PRKCE: variants seen among roughly 807,000 people sequenced by gnomAD.
PRKCE encodes the protein protein kinase C epsilon type.
In PRKCE, 16 loss-of-function variants were observed where a neutral mutation model predicts 85.4. The observed-to-expected ratio is 0.19, with a 90% CI of 0.13 to 0.28. The LOEUF (loss-of-function observed/expected upper bound fraction) is 0.28, where lower values mean the gene tolerates loss of function less well. PRKCE is among the 10% of genes least tolerant of loss of function. The probability of loss-of-function intolerance (pLI) is 1.00; values close to 1 mark genes in which losing one functional copy is unlikely to be tolerated. For synonymous variants in PRKCE, 388 were observed against 371.5 expected, an observed-to-expected ratio of 1.04 and a Z score of -0.51; for missense variants, 573 against 975.2, an observed-to-expected ratio of 0.59 and a Z score of 5.49.
intron 11 of PRKCE, among the ~76,000 whole-genome samples, chr2:46,098,251 T>C (rs1197505804): frequency 6.6e-6 from 1 of 152,196 alleles, no homozygotes; most frequent in Non-Finnish European, 1.5e-5. Context: ...TCATTAGATC[T>C]GTGATGTTGG....
intron 6 of PRKCE, among the ~76,000 whole-genome samples, chr2:45,994,431 G>A (rs1704058044): frequency 6.6e-6 from 1 of 152,142 alleles, no homozygotes; most frequent in Non-Finnish European, 1.5e-5. Context: ...AATCCTCTGT[G>A]TTCTGCTTCT....
At chr2:45,865,815 CTTT>C (rs36102606) in intron 2 of PRKCE, among the ~76,000 whole-genome samples, 1 of 133,662 alleles carries the variant, frequency 7.5e-6, no homozygotes, top group Non-Finnish European at 1.6e-5. Context: ...TCTTCTTCTT[CTTT>C]TTTTTTTTTT....
intron 1 of PRKCE, among the ~76,000 whole-genome samples, chr2:45,679,993 C>T (rs577758229): frequency 8.5e-5 from 13 of 152,278 alleles, no homozygotes; most frequent in Admixed American, 2.6e-4. Flanking sequence ...AGATTTAGCA[C>T]ATTTCTGTAT....
At chr2:45,841,769 C>T (rs970506983) in intron 1 of PRKCE, among the ~76,000 whole-genome samples, 1 of 152,216 alleles carries the variant, frequency 6.6e-6, no homozygotes, top group Admixed American at 6.5e-5. Context: ...TCTGACTGGG[C>T]ATATCTGGAT....
intron 1 of PRKCE, among the ~76,000 whole-genome samples, chr2:45,714,171 G>A (rs1244749802): frequency 6.6e-6 from 1 of 152,196 alleles, no homozygotes; most frequent in African/African-American, 2.4e-5. Flanking sequence ...CATGGCCCCT[G>A]CTCTGATGGG....
At chr2:46,105,220 G>C (rs1310424784) in intron 11 of PRKCE, among the ~76,000 whole-genome samples, 1 of 151,778 alleles carries the variant, frequency 6.6e-6, no homozygotes, top group Non-Finnish European at 1.5e-5. Context: ...TCCTTTGCTG[G>C]CATTATATTT....
intron 11 of PRKCE, among the ~76,000 whole-genome samples, chr2:46,142,987 G>C (rs1675704938): frequency 6.6e-6 from 1 of 152,182 alleles, no homozygotes; most frequent in East Asian, 1.9e-4. Context: ...GGCATTGGAG[G>C]AAGTCAACCA....
At chr2:46,064,158 T>G (rs1667401657) in intron 10 of PRKCE, among the ~76,000 whole-genome samples, 1 of 151,660 alleles carries the variant, frequency 6.6e-6, no homozygotes, top group East Asian at 1.9e-4. Context: ...GACACGTGCC[T>G]GTAATCCCAG....
At chr2:46,069,373 G>A (rs773817087) in intron 10 of PRKCE, among the ~76,000 whole-genome samples, 8 of 151,942 alleles carry the variant, frequency 5.3e-5, no homozygotes, top group Non-Finnish European at 8.8e-5. Flanking sequence ...TATGGTATGC[G>A]TCTAAAATAT....
At chr2:46,086,806 G>A (rs1003058130) in intron 11 of PRKCE, among the ~76,000 whole-genome samples, 4 of 152,170 alleles carry the variant, frequency 2.6e-5, no homozygotes, top group African/African-American at 9.7e-5. Context: ...AGGGAAGGAG[G>A]AGTTGCTTGA....
chr2:46,185,903 G>A lies in PRKCE; in HGVS notation c.*1022G>A, dbSNP rs1680413154. 2 of 152,126 alleles carry A rather than the reference G, an allele frequency of 1.3e-5. No individual in the cohort carries two copies. The highest frequency in any genetic ancestry group is 2.9e-5 in the Non-Finnish European group (2 of 68,020). The allele number at this position is 152,126 out of a possible 1,614,324, so 9.4% of individuals were successfully genotyped here. On this transcript the variant is annotated 3_prime_UTR_variant, in exon 15 of 15. Transcript: ENST00000306156. This position sits in a 1 kb window ranked among gnomAD's most constrained non-coding sequence, Gnocchi z 4.7. Reference sequence around the variant, plus strand: ...TTTTCTGCAGCAGTGTGTTATTTTTGCGCACTTATACAAAATGGTAGTACT... The same window carrying A: ...TTTTCTGCAGCAGTGTGTTATTTTTACGCACTTATACAAAATGGTAGTACT...
At chr2:45,755,642 C>T (rs1425816476) in intron 1 of PRKCE, among the ~76,000 whole-genome samples, 1 of 152,212 alleles carries the variant, frequency 6.6e-6, no homozygotes, top group East Asian at 1.9e-4. Context: ...TATTCTTGAT[C>T]TGGATTTTAT....
At chr2:46,129,818 A>C (rs79408953) in intron 11 of PRKCE, among the ~76,000 whole-genome samples, 819 of 152,376 alleles carry the variant, frequency 5.4e-3, no homozygotes, top group Non-Finnish European at 9.3e-3. Context: ...CTCGCTGGGA[A>C]ATGCTGCCAT....
chr2:46,085,729 A>G (rs1669540555), intron 10 of PRKCE, among the ~76,000 whole-genome samples: 1 of 109,106 alleles, frequency 9.2e-6, no homozygotes, highest in South Asian at 3.8e-4. Flanking sequence ...TTACATCTGC[A>G]AAATCCGTTT....
chr2:45,743,992 G>GTTTTTTTTT (rs753249039), intron 1 of PRKCE, among the ~76,000 whole-genome samples: 1 of 70,268 alleles, frequency 1.4e-5, no homozygotes, highest in African/African-American at 3.2e-5. Flanking sequence ...TGGCCGTTGT[G>GTTTTTTTTT]TGTTTTTTTT....
chr2:46,003,484 C>A (rs1187407251), intron 7 of PRKCE, among the ~76,000 whole-genome samples: 1 of 152,188 alleles, frequency 6.6e-6, no homozygotes, highest in Non-Finnish European at 1.5e-5. Context: ...TATTGAGCAT[C>A]TATTATGTTT....
rs925501943 is a variant in PRKCE at position 46,164,586 on chromosome 2, G to A, written c.2067+4834G>A. On this transcript the variant is annotated intron_variant, in intron 14 of 14. Coordinates refer to ENST00000306156, the MANE Select transcript of PRKCE (RefSeq NM_005400.3). Reference sequence around the variant, plus strand: ...TGGCCATACTGAATCTGGGTGACCCGGGGCGGGGGGTGCCCTGCCTGTCTG... The same window carrying A: ...TGGCCATACTGAATCTGGGTGACCCAGGGCGGGGGGTGCCCTGCCTGTCTG... 5.3e-5 allele frequency among the ~76,000 whole-genome samples: 8 copies of A among 152,288 alleles called. No individual in the cohort carries two copies. The South Asian group carries it at 6.2e-4, about 12-fold the overall frequency.
chr2:46,060,141 T>C (rs1364751490), intron 10 of PRKCE, among the ~76,000 whole-genome samples: 3 of 152,354 alleles, frequency 2.0e-5, no homozygotes, highest in African/African-American at 7.2e-5. Flanking sequence ...TCAGTGTATA[T>C]CTTTGGCTTT....
intron 1 of PRKCE, among the ~76,000 whole-genome samples, chr2:45,828,743 C>A (rs1272781861): frequency 6.6e-6 from 1 of 151,728 alleles, no homozygotes; most frequent in Non-Finnish European, 1.5e-5. Flanking sequence ...GAGGAGTGAA[C>A]TACATAATGT....
Sources: gnomAD v4.1 joint callset for allele counts (sites outside exome capture counted in the v4.1 genomes callset) on GRCh38, gnomAD v4.1.1 for gene constraint, Gnocchi (gnomAD v3.1) non-coding constraint, MANE v1.5 for transcripts, NCBI Gene and HGNC (gene_info 2026-07-23, HGNC 2026-07-21) for gene names.